The following TRIM49B variants were observed in gnomAD, a reference collection of about 807,000 sequenced individuals.
The protein encoded by TRIM49B is putative tripartite motif-containing protein 49B.
In TRIM49B, 18 loss-of-function variants were observed where a neutral mutation model predicts 31.8. That is an observed-to-expected ratio of 0.57 (90% CI 0.39 to 0.84). TRIM49B has a LOEUF of 0.84. TRIM49B is among the 40% of genes least tolerant of loss of function. The pLI is 0.00. For missense variants in TRIM49B, 494 were observed against 538.7 expected (o/e 0.92, Z 0.82); for synonymous variants, 196 against 180.6 (o/e 1.09, Z -0.68).
Position 49,031,705 on chromosome 11 carries a change from A to C in TRIM49B, c.106A>C (p.Arg36=), listed in dbSNP as rs1244337182. The C allele has an allele frequency of 2.7e-5, 44 of 1,613,866 alleles. No individual in the cohort carries two copies. The highest frequency in any genetic ancestry group is 3.6e-5 in the Non-Finnish European group (42 of 1,179,892). ...CATAGACTGTGGGCACAGCTTTTGC[A>C]GGCCTTGTTTCTACCTCAACTGGAA... ...VTIDCGHSFC[R]PCFYLNWKDS... The change falls in exon 2 of 7, where the codon AGG becomes CGG. Residue 36 remains arginine, a synonymous_variant. Coordinates refer to ENST00000332682, the MANE Select transcript of TRIM49B (RefSeq NM_001206626.2).
At position 49,032,385 on chromosome 11, in the gene TRIM49B, T is replaced by G; in HGVS notation, c.507+14T>G. 1 of 1,611,216 alleles carries G rather than the reference T, an allele frequency of 6.2e-7. No individual in the cohort carries two copies. Among genetic ancestry groups the G allele is most frequent in the East Asian group, 2.2e-5 (1 of 44,856 alleles). On this transcript the variant is annotated intron_variant, in intron 3 of 6. Coordinates refer to ENST00000332682, the MANE Select transcript of TRIM49B (RefSeq NM_001206626.2). ...AGATGCTGGAAGGTTAGTCCTGTAC[T>G]ACTCTACCTTCTCCAGGAACTTATG...
intron 1 of TRIM49B, among the ~76,000 whole-genome samples, chr11:49,030,490 G>T (rs1279059187): frequency 6.6e-6 from 1 of 152,170 alleles, no homozygotes; most frequent in Non-Finnish European, 1.5e-5. Context: ...AACATAGGCT[G>T]TCTCTAAGCT....
intron 5 of TRIM49B, among the ~76,000 whole-genome samples, chr11:49,035,987 G>A (rs1854524296): frequency 1.9e-5 from 1 of 51,790 alleles, no homozygotes; most frequent in African/African-American, 8.1e-5. Flanking sequence ...TTCAGACAAA[G>A]ATGTCAGGGG....
At chr11:49,037,429 A>AT (rs1457276029) in intron 6 of TRIM49B, 49 bp from the exon 7 acceptor site, 1 of 1,545,888 alleles carries the variant, frequency 6.5e-7, no homozygotes, top group Non-Finnish European at 8.7e-7. Context: ...ATAGACAATT[A>AT]TTTTTTTCTT....
In TRIM49B at chr11:49,035,016, G is replaced by A. The variant is rs1236395721; in HGVS notation, c.739-79G>A. ...GGGGAATAATATCTTCAGAAACTGAGTACAAATCTCACACTGAACTTAGTG... is the reference window on the plus strand; with the variant it reads ...GGGGAATAATATCTTCAGAAACTGAATACAAATCTCACACTGAACTTAGTG... On this transcript the variant is annotated intron_variant, in intron 4 of 6. Coordinates refer to ENST00000332682, the MANE Select transcript of TRIM49B (RefSeq NM_001206626.2). The A allele has an allele frequency of 2.5e-6, 4 of 1,572,466 alleles. No homozygotes were observed. The Admixed American group carries it at 5.3e-5, about 21-fold the overall frequency.
Position 49,031,744 on chromosome 11 carries a change from C to A in TRIM49B, c.145C>A (p.Leu49Ile). ...FYLNWKDSPFLVQCSECTKST... is the reference protein window; with the variant it reads ...FYLNWKDSPFIVQCSECTKST... Reference sequence around the variant, plus strand: ...CCTCAACTGGAAAGACAGCCCATTTCTTGTCCAGTGCTCTGAATGCACAAA... The same window carrying A: ...CCTCAACTGGAAAGACAGCCCATTTATTGTCCAGTGCTCTGAATGCACAAA... Residue 49 changes from leucine to isoleucine, a missense_variant, in exon 2 of 7, where the codon CTT becomes ATT. By Grantham distance (5) the Leu-to-Ile change is conservative (BLOSUM62 2). This residue lies in a region of TRIM49B where 251 missense variants were observed against 232.8 expected (regional missense o/e 1.08). Transcript: ENST00000332682. 1 of 1,613,978 alleles carries A rather than the reference C, an allele frequency of 6.2e-7. No homozygotes were observed. Among genetic ancestry groups the A allele is most frequent in the Non-Finnish European group, 8.5e-7 (1 of 1,179,872 alleles).
At chr11:49,033,877 G>A (rs540138967) in intron 3 of TRIM49B, among the ~76,000 whole-genome samples, 115 of 152,210 alleles carry the variant, frequency 7.6e-4, no homozygotes, top group African/African-American at 2.7e-3. Flanking sequence ...CCATAAATAT[G>A]GGTTGGAATA....
At chr11:49,029,713 TAGTC>T (rs1308546146) in intron 1 of TRIM49B, among the ~76,000 whole-genome samples, 15 of 152,344 alleles carry the variant, frequency 9.8e-5, no homozygotes, top group African/African-American at 2.4e-4. Flanking sequence ...GTTTTTATAT[TAGTC>T]AGAGTTCTCC....
At chr11:49,037,334 A>G (rs1384314752) in intron 6 of TRIM49B, 144 bp from the exon 7 acceptor site, 2 of 1,156,288 alleles carry the variant, frequency 1.7e-6, no homozygotes, top group Non-Finnish European at 2.4e-6. Context: ...TGTCTTGTAT[A>G]TAATATTAAC....
intron 5 of TRIM49B, 90 bp from the exon 6 acceptor site, chr11:49,036,211 G>T (rs561572531): frequency 1.3e-6 from 2 of 1,579,736 alleles, no homozygotes; most frequent in Non-Finnish European, 1.7e-6. Flanking sequence ...TAGATTCAAA[G>T]GATTCTCATG....
At chr11:49,036,805 G>A (rs1002832039) in intron 6 of TRIM49B, among the ~76,000 whole-genome samples, 3 of 151,988 alleles carry the variant, frequency 2.0e-5, no homozygotes, top group Non-Finnish European at 4.4e-5. Context: ...ATTCTTGGGG[G>A]TTTTGTATTT....
intron 5 of TRIM49B, 141 bp downstream of exon 5, chr11:49,035,258 T>C: frequency 1.5e-6 from 2 of 1,360,976 alleles, no homozygotes; most frequent in Non-Finnish European, 2.0e-6. Flanking sequence ...CTACTTTCGT[T>C]CCCACACCTT....
rs772045179 is a variant in TRIM49B, at chr11:49,034,380, C to G, written c.738+4C>G. On this transcript the variant is annotated splice_donor_region_variant and intron_variant, in intron 4 of 6. Transcript: ENST00000332682. ...ACCAGATGTGGAGCTACTTCAGGTA[C>G]AAACTCGCCATGTGGTTTCAGGTTT... 1.2e-6 allele frequency: 2 copies of G among 1,611,808 alleles called. No homozygotes were observed. Among genetic ancestry groups the G allele is most frequent in the South Asian group, 2.2e-5 (2 of 90,976 alleles).
chr11:49,029,804 A>G (rs2134694357), intron 1 of TRIM49B, among the ~76,000 whole-genome samples: 1 of 152,338 alleles, frequency 6.6e-6, no homozygotes, highest in East Asian at 1.9e-4. Context: ...CAAACCACAT[A>G]TGGTGGTCCC....
chr11:49,031,936 T>C lies in TRIM49B; in HGVS notation c.337T>C (p.Leu113=), dbSNP rs570068952. ...FCEVDRSLLC[L]LCSSSQEHRD... is the part of the protein sequence containing the mutation. ...TGAAGTGGACAGGAGCCTGCTCTGT[T>C]TGCTGTGCTCCAGCTCTCAGGAGCA... is the stretch of plus-strand genomic sequence containing the variant. Residue 113 remains leucine, a synonymous_variant, in exon 2 of 7, where the codon TTG becomes CTG. Transcript: ENST00000332682. 5.6e-6 allele frequency: 9 copies of C among 1,612,030 alleles called. No homozygotes were observed. The highest frequency in any genetic ancestry group is 5.3e-5 in the African/African-American group (4 of 74,986).
intron 6 of TRIM49B, 103 bp downstream of exon 6, chr11:49,036,501 A>C: frequency 1.4e-6 from 1 of 715,184 alleles, no homozygotes; most frequent in Non-Finnish European, 2.2e-6. Context: ...TACTTCTTTT[A>C]AGACATAAGT....
At position 49,034,332 on chromosome 11, in the gene TRIM49B, G is replaced by A. The variant is rs1565092478; in HGVS notation, c.694G>A (p.Glu232Lys). Reference protein sequence around the residue: ...RREILRGMYEELNEMCHKPDV... With the variant: ...RREILRGMYEKLNEMCHKPDV... ...GGAGATTTTAAGAGGAATGTATGAGGAGCTGAACGAAATGTGCCATAAACC... is the reference window on the plus strand; with the variant it reads ...GGAGATTTTAAGAGGAATGTATGAGAAGCTGAACGAAATGTGCCATAAACC... The change falls in exon 4 of 7, where the codon GAG becomes AAG. Residue 232 changes from glutamate to lysine, a missense_variant. By Grantham distance (56) the Glu-to-Lys change is moderately conservative. This residue lies in a region of TRIM49B where 233 missense variants were observed against 281.4 expected (regional missense o/e 0.83). Transcript: ENST00000332682. 5 of 1,611,872 alleles carry A rather than the reference G, an allele frequency of 3.1e-6. No homozygotes were observed. In the East Asian group the frequency reaches 8.9e-5, roughly 29 times the overall value.
At chr11:49,030,062 T>A (rs1283002684) in intron 1 of TRIM49B, among the ~76,000 whole-genome samples, 1 of 152,196 alleles carries the variant, frequency 6.6e-6, no homozygotes, top group Non-Finnish European at 1.5e-5. Flanking sequence ...GGCTGGGCAC[T>A]GTGGCACGTG....
At chr11:49,029,488 C>T (rs1483661613) in intron 1 of TRIM49B, among the ~76,000 whole-genome samples, 1 of 152,110 alleles carries the variant, frequency 6.6e-6, no homozygotes, top group Admixed American at 6.5e-5. Flanking sequence ...ATTTATAATA[C>T]CTAATTTGGT....
Sources: gnomAD v4.1 joint callset for allele counts (sites outside exome capture counted in the v4.1 genomes callset) on GRCh38, gnomAD v4.1.1 for gene constraint, gnomAD v4.1.1 regional missense constraint, MANE v1.5 for transcripts, NCBI Gene and HGNC (gene_info 2026-07-23, HGNC 2026-07-21) for gene names.